Variants in RIMKLA observed in about 807,000 individuals in gnomAD.
The protein encoded by RIMKLA is ribosomal modification protein rimK like family member A.
In RIMKLA, 14 loss-of-function variants were observed where a neutral mutation model predicts 32.7. The observed-to-expected ratio is 0.43, with a 90% CI of 0.28 to 0.67. The LOEUF (loss-of-function observed/expected upper bound fraction) is 0.67, where lower values mean the gene tolerates loss of function less well. Among genes scored for constraint, RIMKLA ranks in the 30% least tolerant of loss-of-function variants. The probability of loss-of-function intolerance (pLI) is 0.18; values close to 1 mark genes in which losing one functional copy is unlikely to be tolerated. For missense variants in RIMKLA, 410 were observed against 519.0 expected, an observed-to-expected ratio of 0.79 and a Z score of 2.04; for synonymous variants, 176 against 204.1, an observed-to-expected ratio of 0.86 and a Z score of 1.18.
At chr1:42,395,293 GT>G (rs1179531692) in intron 1 of RIMKLA, among the ~76,000 whole-genome samples, 1 of 151,488 alleles carries the variant, frequency 6.6e-6, no homozygotes, top group East Asian at 1.9e-4. Flanking sequence ...GTCCTAACTT[GT>G]TTGAGGTTTG....
intron 1 of RIMKLA, among the ~76,000 whole-genome samples, chr1:42,394,793 A>G (rs956707126): frequency 1.3e-5 from 2 of 151,902 alleles, no homozygotes; most frequent in African/African-American, 4.8e-5. Flanking sequence ...CTGGAGTGCA[A>G]TGACGCGATC....
intron 1 of RIMKLA, among the ~76,000 whole-genome samples, chr1:42,384,634 G>GTA (rs34388220): frequency 0.29 from 43,322 of 147,046 alleles, 7,244 homozygotes; most frequent in East Asian, 0.62. Flanking sequence ...ATGTGTGTGT[G>GTA]TATATATATA....
rs566941835 is a variant in RIMKLA, at chr1:42,398,526, C to G, written c.164-878C>G. On this transcript the variant is annotated intron_variant, in intron 1 of 4. Transcript: ENST00000431473. ...AAGACATTACCTGTAATTCCATTAC[C>G]CACTGTTAAAATGTTGGTATATTTC... Among the ~76,000 whole-genome samples the G allele has an allele frequency of 2.0e-5, 3 of 152,168 alleles. No individual in the cohort carries two copies. In the East Asian group the frequency reaches 5.8e-4, roughly 29 times the overall value.
chr1:42,410,308 G>A, intron 4 of RIMKLA, 121 bp downstream of exon 4: 1 of 795,728 alleles, frequency 1.3e-6, no homozygotes, highest in Non-Finnish European at 2.0e-6. Flanking sequence ...ATGAGAATGA[G>A]GAACAAACTC....
Position 42,414,663 on chromosome 1 carries a change from T to G in RIMKLA, c.865T>G (p.Leu289Val). ...CCTAGCCTTTGACCAGGCATGCAAC[T>G]TAGATGTGGGTGGGATCATTGCAGA... ...GFLAFDQACN[L>V]DVGGIIADYT... Residue 289 changes from leucine to valine, a missense_variant, in exon 5 of 5, where the codon TTA becomes GTA. Leu to Val is a conservative substitution (Grantham distance 32, BLOSUM62 1). Coordinates refer to ENST00000431473, the MANE Select transcript of RIMKLA (RefSeq NM_173642.4). 6.2e-7 allele frequency: 1 copy of G among 1,614,162 alleles called. No individual in the cohort carries two copies. Among genetic ancestry groups the G allele is most frequent in the Non-Finnish European group, 8.5e-7 (1 of 1,180,020 alleles).
chr1:42,381,631 G>A (rs1642890368), intron 1 of RIMKLA, among the ~76,000 whole-genome samples: 1 of 152,188 alleles, frequency 6.6e-6, no homozygotes, highest in East Asian at 1.9e-4. Flanking sequence ...CTTCTCGAGT[G>A]TAAAGTGGGA....
rs923987529 is a variant in RIMKLA, at chr1:42,423,109, A to C, written c.*8135A>C. Among the ~76,000 whole-genome samples, 1 of 152,138 alleles carries C rather than the reference A, an allele frequency of 6.6e-6. No individual in the cohort carries two copies. The highest frequency in any genetic ancestry group is 2.4e-5 in the African/African-American group (1 of 41,420). On this transcript the variant is annotated 3_prime_UTR_variant, in exon 5 of 5. Transcript: ENST00000431473. ...AGACCCTGGGGGACTAACAGTCAAA[A>C]CAAGGCTCAAGACCCTTGAACTAAG...
rs1230050162 is a variant in RIMKLA at position 42,419,716 on chromosome 1, A to G, written c.*4742A>G. The G allele has an allele frequency of 1.3e-5, 2 of 152,174 alleles. No individual in the cohort carries two copies. Among genetic ancestry groups the G allele is most frequent in the Non-Finnish European group, 2.9e-5 (2 of 68,066 alleles). 9.4% of individuals were successfully genotyped at this position (152,174 alleles called of 1,614,324 possible). On this transcript the variant is annotated 3_prime_UTR_variant, in exon 5 of 5. Coordinates refer to ENST00000431473, the MANE Select transcript of RIMKLA (RefSeq NM_173642.4). ...GGATGGCTTCTAGGTGAGAGCCCCA[A>G]AGGCATGTATATTTCCATGATGCAA...
intron 1 of RIMKLA, among the ~76,000 whole-genome samples, chr1:42,388,725 C>T (rs1642972537): frequency 1.3e-5 from 2 of 151,502 alleles, no homozygotes; most frequent in Admixed American, 1.3e-4. Context: ...ACCATCTTGG[C>T]CAGGCTAGTC....
chr1:42,399,245 G>C (rs1305469885), intron 1 of RIMKLA, among the ~76,000 whole-genome samples, 159 bp from the exon 2 acceptor site: 2 of 152,122 alleles, frequency 1.3e-5, no homozygotes, highest in African/African-American at 2.4e-5. Flanking sequence ...TGGCGTATAG[G>C]GTTGCCTATA....
Position 42,399,402 on chromosome 1 carries a change from A to G in RIMKLA, c.164-2A>G. The G allele has an allele frequency of 1.9e-6, 3 of 1,598,814 alleles. No homozygotes were observed. The highest frequency in any genetic ancestry group is 2.6e-6 in the Non-Finnish European group (3 of 1,170,664). ...GCACTCACTGTTGTCCTTGAATTGC[A>G]GGCCTCCAGCTAAACCAGAAGGCCC... On this transcript the variant is annotated splice_acceptor_variant, in intron 1 of 4. Transcript: ENST00000431473. LOFTEE classifies it high-confidence loss of function.
intron 4 of RIMKLA, among the ~76,000 whole-genome samples, chr1:42,414,150 ATATT>A (rs1239776535): frequency 3.3e-5 from 5 of 151,998 alleles, no homozygotes; most frequent in East Asian, 2.0e-4. Context: ...TATTTATTGA[ATATT>A]TATTAAGTGC....
At chr1:42,393,786 T>TA (rs1643018890) in intron 1 of RIMKLA, among the ~76,000 whole-genome samples, 3 of 152,138 alleles carry the variant, frequency 2.0e-5, no homozygotes, top group Non-Finnish European at 4.4e-5. Context: ...CACTTTTATT[T>TA]TTTTATTTAT....
At chr1:42,387,814 A>T (rs1289197345) in intron 1 of RIMKLA, among the ~76,000 whole-genome samples, 1 of 152,194 alleles carries the variant, frequency 6.6e-6, no homozygotes, top group Non-Finnish European at 1.5e-5. Context: ...AGATGGGGAA[A>T]ATAGGATGTA....
chr1:42,410,075 C>G lies in RIMKLA; in HGVS notation c.573C>G (p.Tyr191Ter). The change falls in exon 4 of 5, where the codon TAC becomes TAG. Residue 191 changes from tyrosine (Y) to a stop codon, truncating the protein, a stop_gained. Coordinates refer to ENST00000431473, the MANE Select transcript of RIMKLA (RefSeq NM_173642.4). LOFTEE classifies it high-confidence loss of function. Reference protein sequence around the residue: ...RHDVPYLFQKYVKESHGKDIR... With the variant: ...RHDVPYLFQK ...ATGTGCCCTACCTGTTCCAGAAGTA[C>G]GTGAAGGAGTCCCATGGAAAGGACA... is the stretch of plus-strand genomic sequence containing the variant. 1 of 1,614,088 alleles carries G rather than the reference C, an allele frequency of 6.2e-7. No individual in the cohort carries two copies. Among genetic ancestry groups the G allele is most frequent in the Non-Finnish European group, 8.5e-7 (1 of 1,179,978 alleles).
At chr1:42,411,097 A>G (rs1209555573) in intron 4 of RIMKLA, among the ~76,000 whole-genome samples, 1 of 152,206 alleles carries the variant, frequency 6.6e-6, no homozygotes, top group Non-Finnish European at 1.5e-5. Context: ...TGGAAGGCCA[A>G]GGCAGGAGTA....
At chr1:42,402,309 C>T (rs770894145) in intron 2 of RIMKLA, among the ~76,000 whole-genome samples, 8 of 152,174 alleles carry the variant, frequency 5.3e-5, no homozygotes, top group Non-Finnish European at 1.2e-4. Flanking sequence ...GGTTGCTAAG[C>T]AGATGACCTT....
rs1643312531 is a variant in RIMKLA at position 42,423,507 on chromosome 1, G to A, written c.*8533G>A. On this transcript the variant is annotated 3_prime_UTR_variant, in exon 5 of 5. Coordinates refer to ENST00000431473, the MANE Select transcript of RIMKLA (RefSeq NM_173642.4). The stretch of plus-strand genomic sequence containing the variant: ...TCCATGGTAGACCAGCGTATTTGGT[G>A]AGAAAGGAAGTACTTTGGAAAGGTT... 6.6e-6 allele frequency among the ~76,000 whole-genome samples: 1 copy of A among 152,194 alleles called. No individual in the cohort carries two copies.
At chr1:42,387,176 G>A (rs1412864786) in intron 1 of RIMKLA, among the ~76,000 whole-genome samples, 1 of 152,020 alleles carries the variant, frequency 6.6e-6, no homozygotes. Context: ...GGGAGGCGGA[G>A]GTTGCAGTGA....
Sources: gnomAD v4.1 joint callset for allele counts (sites outside exome capture counted in the v4.1 genomes callset) on GRCh38, gnomAD v4.1.1 for gene constraint, MANE v1.5 for transcripts, NCBI Gene and HGNC (gene_info 2026-07-23, HGNC 2026-07-21) for gene names.